Variants in COP1 observed in about 807,000 individuals in gnomAD.
The protein encoded by COP1 is COP1 E3 ubiquitin ligase.
In COP1, 24 loss-of-function variants were observed where a neutral mutation model predicts 101.3. That is an observed-to-expected ratio of 0.24 (90% CI 0.17 to 0.33). The LOEUF (loss-of-function observed/expected upper bound fraction) is 0.33. Among genes scored for constraint, COP1 ranks in the 10% least tolerant of loss-of-function variants. The pLI is 1.00. For missense variants in COP1, 663 were observed against 906.2 expected (o/e 0.73, Z 3.45); for synonymous variants, 347 against 341.9 (o/e 1.01, Z -0.17).
intron 5 of COP1, among the ~76,000 whole-genome samples, chr1:176,156,538 T>C (rs1013109765): frequency 1.3e-5 from 2 of 152,276 alleles, no homozygotes; most frequent in Non-Finnish European, 2.9e-5. Flanking sequence ...AAAAAAATAC[T>C]ACCTACTGTT....
At chr1:176,023,825 C>G (rs2149043004) in intron 15 of COP1, among the ~76,000 whole-genome samples, 1 of 152,074 alleles carries the variant, frequency 6.6e-6, no homozygotes, top group African/African-American at 2.4e-5. Flanking sequence ...CAGACAGTTT[C>G]TCTAATGAAT....
intron 6 of COP1, among the ~76,000 whole-genome samples, chr1:176,137,264 A>G (rs575234381): frequency 6.6e-6 from 1 of 152,314 alleles, no homozygotes; most frequent in East Asian, 1.9e-4. Flanking sequence ...CACTTAATAT[A>G]TTGAACCATT....
At chr1:175,997,788 T>A (rs975954351) in intron 15 of COP1, among the ~76,000 whole-genome samples, 8 of 152,118 alleles carry the variant, frequency 5.3e-5, no homozygotes, top group Non-Finnish European at 1.0e-4. Flanking sequence ...GGAACACTTT[T>A]ACACTGTTGG....
intron 14 of COP1, among the ~76,000 whole-genome samples, chr1:176,032,961 A>G (rs994806958): frequency 6.6e-6 from 1 of 152,220 alleles, no homozygotes; most frequent in Admixed American, 6.5e-5. Context: ...GTTATAAATT[A>G]TAATAACTGT....
At chr1:175,959,461 C>T (rs977728491) in intron 18 of COP1, among the ~76,000 whole-genome samples, 4 of 151,578 alleles carry the variant, frequency 2.6e-5, no homozygotes, top group Non-Finnish European at 5.9e-5. Flanking sequence ...CAAAATACGG[C>T]AAATGAATAA....
At chr1:176,117,396 T>C (rs1686371354) in intron 8 of COP1, among the ~76,000 whole-genome samples, 1 of 152,090 alleles carries the variant, frequency 6.6e-6, no homozygotes, top group Non-Finnish European at 1.5e-5. Flanking sequence ...TATCTAACCC[T>C]AAAAAAACCT....
At chr1:176,019,454 C>T (rs1557935592) in intron 15 of COP1, among the ~76,000 whole-genome samples, 1 of 138,908 alleles carries the variant, frequency 7.2e-6, no homozygotes, top group Admixed American at 7.4e-5. Context: ...CAGAGCAAGA[C>T]TCCATCTCAA....
chr1:176,145,716 C>T (rs914316348), intron 6 of COP1, among the ~76,000 whole-genome samples: 2 of 151,808 alleles, frequency 1.3e-5, no homozygotes, highest in African/African-American at 4.8e-5. Context: ...AACATTCAGC[C>T]GAAGAAGATA....
At chr1:176,072,582 T>C (rs1677193468) in intron 11 of COP1, among the ~76,000 whole-genome samples, 1 of 152,196 alleles carries the variant, frequency 6.6e-6, no homozygotes, top group Non-Finnish European at 1.5e-5. Flanking sequence ...GAAAGTACAT[T>C]GGCAGTCTTA....
chr1:176,040,459 T>C (rs1362136252), intron 14 of COP1, among the ~76,000 whole-genome samples: 1 of 152,018 alleles, frequency 6.6e-6, no homozygotes, highest in Admixed American at 6.6e-5. Flanking sequence ...TGAGACTACC[T>C]GTGCGCACCA....
At chr1:176,072,933 C>G (rs969877360) in intron 11 of COP1, among the ~76,000 whole-genome samples, 1 of 152,098 alleles carries the variant, frequency 6.6e-6, no homozygotes, top group Non-Finnish European at 1.5e-5. Flanking sequence ...AGAATTAATT[C>G]CTCTTTTTCT....
intron 1 of COP1, among the ~76,000 whole-genome samples, chr1:176,191,947 AT>A (rs1320528187): frequency 6.6e-6 from 1 of 152,098 alleles, no homozygotes; most frequent in East Asian, 1.9e-4. Flanking sequence ...ACAATAAAAT[AT>A]TTTTTAAATA....
intron 15 of COP1, among the ~76,000 whole-genome samples, chr1:176,014,193 T>C (rs910444834): frequency 4.6e-5 from 7 of 152,208 alleles, no homozygotes; most frequent in African/African-American, 1.7e-4. Context: ...ATCTGACTAC[T>C]GAGATCAAGT....
Position 176,042,235 on chromosome 1 carries a change from C to T in COP1, c.1612+951G>A, listed in dbSNP as rs182362506. On this transcript the variant is annotated intron_variant, in intron 14 of 19. Coordinates refer to ENST00000367669, the MANE Select transcript of COP1 (RefSeq NM_022457.7). ...GCAGTGAGCCGAGATTGCGCCACTG[C>T]ACTCCAGCCTGGGCGACACAGCGAA... Among the ~76,000 whole-genome samples the T allele has an allele frequency of 1.9e-3, 276 of 142,608 alleles. 1 individual carries two copies. Among genetic ancestry groups the T allele is most frequent in the African/African-American group, 6.8e-3 (260 of 38,334 alleles). The allele number at this position is 142,608 out of a possible 152,430, so 93.6% of individuals were successfully genotyped here. A position where few individuals can be genotyped will look rare whatever the true frequency, so the allele number is the denominator to read the frequency against.
intron 5 of COP1, among the ~76,000 whole-genome samples, chr1:176,150,713 G>C (rs1262685397): frequency 6.6e-6 from 1 of 152,144 alleles, no homozygotes; most frequent in Non-Finnish European, 1.5e-5. Context: ...TTATAAATCT[G>C]AACACTTCAT....
chr1:176,169,326 ATTTG>A (rs1553304158), intron 3 of COP1, among the ~76,000 whole-genome samples: 2 of 152,210 alleles, frequency 1.3e-5, no homozygotes, highest in Admixed American at 6.5e-5. Flanking sequence ...TGTAATATTT[ATTTG>A]TTTGATCAAT....
intron 11 of COP1, among the ~76,000 whole-genome samples, chr1:176,057,921 G>C (rs545323459): frequency 3.5e-4 from 53 of 152,054 alleles, no homozygotes; most frequent in African/African-American, 1.3e-3. Flanking sequence ...CATCCTCTGA[G>C]ATGTGGGGAG....
chr1:176,057,369 CT>C (rs896188418), intron 11 of COP1, among the ~76,000 whole-genome samples: 1 of 152,178 alleles, frequency 6.6e-6, no homozygotes, highest in Non-Finnish European at 1.5e-5. Flanking sequence ...TTTCCACGAT[CT>C]CCCTCTGATG....
At chr1:175,971,995 T>G (rs780292332) in intron 18 of COP1, among the ~76,000 whole-genome samples, 2 of 152,138 alleles carry the variant, frequency 1.3e-5, no homozygotes, top group Admixed American at 6.5e-5. Context: ...TGGAAACACT[T>G]TGGCACTTCT....
Sources: allele counts gnomAD v4.1 joint callset (sites outside exome capture counted in the v4.1 genomes callset), GRCh38; gene constraint gnomAD v4.1.1; transcripts MANE v1.5; gene names NCBI Gene and HGNC (gene_info 2026-07-23, HGNC 2026-07-21).